The following TENM2 variants were observed in gnomAD, a reference collection of about 807,000 sequenced individuals.
The protein encoded by TENM2 is teneurin-2.
Under a neutral mutation model 245.2 loss-of-function variants are expected in TENM2, and 52 were observed. That is an observed-to-expected ratio of 0.21 (90% CI 0.17 to 0.27). TENM2 has a LOEUF of 0.27. Ranked by LOEUF, TENM2 falls within the 10% of genes least tolerant of loss-of-function variation. The pLI is 1.00. For missense variants in TENM2, 3,046 were observed against 3,666.8 expected, an observed-to-expected ratio of 0.83 and a Z score of 4.37; for synonymous variants, 1,363 against 1,438.9, an observed-to-expected ratio of 0.95 and a Z score of 1.19.
intron 2 of TENM2, among the ~76,000 whole-genome samples, chr5:167,702,484 A>G (rs139764269): frequency 1.3e-5 from 2 of 151,216 alleles, no homozygotes; most frequent in African/African-American, 2.4e-5. Flanking sequence ...CAGATTACTC[A>G]TAGAATTTCA....
intron 4 of TENM2, among the ~76,000 whole-genome samples, chr5:167,958,499 G>A (rs187774307): frequency 2.6e-5 from 4 of 152,286 alleles, no homozygotes; most frequent in Admixed American, 1.3e-4. Context: ...ATATTGTTAT[G>A]TATGAATTCG....
At chr5:167,069,761 C>A in the TENM2 span, among the ~76,000 whole-genome samples, 1 of 151,958 alleles carries the variant, frequency 6.6e-6, no homozygotes, top group Non-Finnish European at 1.5e-5. Context: ...TTTAGCTGAA[C>A]CATTTAGATA....
the TENM2 span, among the ~76,000 whole-genome samples, chr5:167,184,784 C>G: frequency 1.3e-5 from 2 of 152,166 alleles, no homozygotes; most frequent in Non-Finnish European, 2.9e-5. Context: ...CTGCCAAAAG[C>G]TGATCTCAAA....
chr5:167,883,053 C>T (rs141979973), intron 3 of TENM2, among the ~76,000 whole-genome samples: 12 of 152,252 alleles, frequency 7.9e-5, no homozygotes, highest in Non-Finnish European at 7.4e-5. Flanking sequence ...AAACTAAGGC[C>T]TACACAGTCA....
chr5:167,285,828 G>T (rs73803141), intron 1 of TENM2, among the ~76,000 whole-genome samples: 3,158 of 152,278 alleles, frequency 0.021, 127 homozygotes, highest in African/African-American at 0.072. Context: ...AAACTGTACC[G>T]AATGCCTCGG....
intron 2 of TENM2, among the ~76,000 whole-genome samples, chr5:167,398,182 A>G (rs938767776): frequency 1.3e-5 from 2 of 152,168 alleles, no homozygotes; most frequent in Admixed American, 1.3e-4. Context: ...AATCGAGGCT[A>G]TAGTGCAGAA....
intron 2 of TENM2, among the ~76,000 whole-genome samples, chr5:167,551,365 C>A (rs1772926353): frequency 6.6e-6 from 1 of 152,122 alleles, no homozygotes; most frequent in Non-Finnish European, 1.5e-5. Context: ...GAGCAGTAAG[C>A]AACCTGAAAG....
intron 1 of TENM2, among the ~76,000 whole-genome samples, chr5:167,291,084 G>T (rs1290087618): frequency 6.6e-6 from 1 of 152,046 alleles, no homozygotes; most frequent in Non-Finnish European, 1.5e-5. Context: ...TTGCCCAACT[G>T]TTATCCTCCC....
intron 8 of TENM2, among the ~76,000 whole-genome samples, 198 bp downstream of exon 10, chr5:168,090,967 T>G (rs1046165638): frequency 2.6e-5 from 4 of 152,030 alleles, no homozygotes. Flanking sequence ...CCATGAAAAA[T>G]TCACCAAGGA....
chr5:167,970,918 G>A (rs1293421721), intron 4 of TENM2, among the ~76,000 whole-genome samples: 1 of 151,516 alleles, frequency 6.6e-6, no homozygotes, highest in East Asian at 2.0e-4. Context: ...GGTGGCACTG[G>A]GGTGGGCTGG....
intron 2 of TENM2, among the ~76,000 whole-genome samples, chr5:167,475,261 T>A (rs569556843): frequency 1.3e-5 from 2 of 152,254 alleles, no homozygotes; most frequent in South Asian, 4.1e-4. Context: ...AGAACAGCCT[T>A]CCTCAAAATT....
At chr5:167,487,612 G>A (rs1357906657) in intron 2 of TENM2, among the ~76,000 whole-genome samples, 3 of 152,112 alleles carry the variant, frequency 2.0e-5, no homozygotes, top group African/African-American at 7.2e-5. Context: ...CTGGGTTTGG[G>A]TTTTTGGTCT....
At chr5:167,482,517 A>G (rs1311060810) in intron 2 of TENM2, among the ~76,000 whole-genome samples, 2 of 152,160 alleles carry the variant, frequency 1.3e-5, no homozygotes, top group Admixed American at 1.3e-4. Flanking sequence ...ATTCTTTTAA[A>G]TGGTAGATTA....
At chr5:167,375,092 T>C in intron 1 of TENM2, 106 bp from the exon 4 acceptor site, 1 of 1,119,098 alleles carries the variant, frequency 8.9e-7, no homozygotes, top group Non-Finnish European at 1.3e-6. Flanking sequence ...GTGAATTTGA[T>C]GTATCTGTCA....
chr5:167,390,444 TG>T (rs1230221358), intron 2 of TENM2, among the ~76,000 whole-genome samples: 1 of 152,186 alleles, frequency 6.6e-6, no homozygotes, highest in African/African-American at 2.4e-5. Context: ...GAGTAAATTA[TG>T]TATTAAATAT....
chr5:167,362,198 T>C (rs1433844410), intron 1 of TENM2, among the ~76,000 whole-genome samples: 2 of 152,216 alleles, frequency 1.3e-5, no homozygotes, highest in Non-Finnish European at 2.9e-5. Flanking sequence ...GTTTCAATTA[T>C]CCTCTCCCTG....
At chr5:167,372,670 G>A (rs907684852) in intron 1 of TENM2, among the ~76,000 whole-genome samples, 7 of 152,164 alleles carry the variant, frequency 4.6e-5, no homozygotes, top group Admixed American at 3.3e-4. Flanking sequence ...TTTTAGTTTG[G>A]GTTTTCATTT....
intron 2 of TENM2, among the ~76,000 whole-genome samples, chr5:167,873,319 A>C (rs1164988121): frequency 2.6e-5 from 4 of 152,244 alleles, no homozygotes; most frequent in African/African-American, 9.6e-5. Flanking sequence ...GAACGCAGAA[A>C]CGTGATCTGC....
chr5:167,526,774 G>A (rs193296676), intron 2 of TENM2, among the ~76,000 whole-genome samples: 26 of 151,976 alleles, frequency 1.7e-4, no homozygotes, highest in Non-Finnish European at 2.9e-4. Context: ...TGCTTTCTCC[G>A]TTAGTATATA....
Sources: gnomAD v4.1 joint callset for allele counts (sites outside exome capture counted in the v4.1 genomes callset) on GRCh38, gnomAD v4.1.1 for gene constraint, MANE v1.5 for transcripts, NCBI Gene and HGNC (gene_info 2026-07-23, HGNC 2026-07-21) for gene names.